The following NR1H3 variants were observed in gnomAD, a reference collection of about 807,000 sequenced individuals.
NR1H3 encodes the protein nuclear receptor subfamily 1 group H member 3, also known as oxysterols receptor LXR-alpha.
NR1H3 carries 19 observed loss-of-function variants against 48.1 expected under a neutral mutation model. The observed-to-expected ratio is 0.40, with a 90% confidence interval of 0.28 to 0.58. The LOEUF (loss-of-function observed/expected upper bound fraction) is 0.58. NR1H3 is among the 20% of genes least tolerant of loss of function. The probability of loss-of-function intolerance (pLI) is 0.50; values close to 1 mark genes in which losing one functional copy is unlikely to be tolerated. For missense variants in NR1H3, 486 were observed against 595.9 expected (o/e 0.82, Z 1.92); for synonymous variants, 232 against 227.3 (o/e 1.02, Z -0.19).
At chr11:47,264,053 T>G (rs1478377216) in intron 7 of NR1H3, among the ~76,000 whole-genome samples, 1 of 152,192 alleles carries the variant, frequency 6.6e-6, no homozygotes, top group East Asian at 1.9e-4. Flanking sequence ...ATTCTGCGGC[T>G]CTCTATCTGA....
chr11:47,252,823 C>T (rs1284125746), intron 1 of NR1H3, among the ~76,000 whole-genome samples: 2 of 151,916 alleles, frequency 1.3e-5, no homozygotes, highest in Non-Finnish European at 2.9e-5. Flanking sequence ...ACCCACTCGG[C>T]CTCCCAAAGT....
chr11:47,267,288 T>C (rs1008559540), intron 7 of NR1H3, among the ~76,000 whole-genome samples: 1 of 152,110 alleles, frequency 6.6e-6, no homozygotes, highest in African/African-American at 2.4e-5. Context: ...GTCTGGGTGA[T>C]AGAACAAGAC....
At chr11:47,262,208 T>A (rs372287582) in intron 7 of NR1H3, among the ~76,000 whole-genome samples, 190 bp downstream of exon 7, 1 of 151,866 alleles carries the variant, frequency 6.6e-6, no homozygotes, top group Admixed American at 6.6e-5. Context: ...TGAAACCCTG[T>A]CTCTACTGAA....
intron 2 of NR1H3, 88 bp from the exon 3 acceptor site, chr11:47,259,703 A>T: frequency 6.3e-7 from 1 of 1,591,354 alleles, no homozygotes; most frequent in South Asian, 1.1e-5. Context: ...AAGGGTGGGG[A>T]TAAGTTTGCA....
chr11:47,263,545 G>A (rs1215281920), intron 7 of NR1H3, among the ~76,000 whole-genome samples: 1 of 151,246 alleles, frequency 6.6e-6, no homozygotes, highest in Admixed American at 6.6e-5. Context: ...CAATGTGCTG[G>A]GATTACAGGC....
upstream of NR1H3, chr11:47,257,789 C>A: frequency 1.1e-6 from 1 of 890,224 alleles, no homozygotes; most frequent in Non-Finnish European, 1.3e-6. Context: ...AGGGAAATGC[C>A]ACTGTTTTGG....
rs755087338 is a variant in NR1H3 at position 47,259,848 on chromosome 11, G to A, written c.101G>A (p.Gly34Glu). The change falls in exon 3 of 10, where the codon GGA becomes GAA. Residue 34 changes from glycine (G) to glutamate (E), a missense_variant. By Grantham distance (98) the Gly-to-Glu change is moderately conservative. Transcript: ENST00000441012. ...CAGGATGCAAGCAGCCAGGCCCAGGGAGGCAGCAGCTGCATCCTCAGAGAG... is the reference window on the plus strand; with the variant it reads ...CAGGATGCAAGCAGCCAGGCCCAGGAAGGCAGCAGCTGCATCCTCAGAGAG... ...GAQDASSQAQ[G>E]GSSCILREEA... 9 of 1,612,548 alleles carry A rather than the reference G, an allele frequency of 5.6e-6. No homozygotes were observed. Among genetic ancestry groups the A allele is most frequent in the South Asian group, 1.1e-5 (1 of 91,014 alleles).
chr11:47,261,494 G>A (rs1955861486), intron 5 of NR1H3, 45 bp downstream of exon 5: 2 of 1,610,786 alleles, frequency 1.2e-6, no homozygotes, highest in Non-Finnish European at 1.7e-6. Flanking sequence ...CAGATCACCA[G>A]TGGGCTTCTT....
Position 47,261,540 on chromosome 11 carries a change from T to G in NR1H3, c.709-7T>G. ...TCAAAGCGCTTTGCCTTTTCCCTCCTGGGTAGCCTTGGCCCATGGCACCAG... is the reference window on the plus strand; with the variant it reads ...TCAAAGCGCTTTGCCTTTTCCCTCCGGGGTAGCCTTGGCCCATGGCACCAG... On this transcript the variant is annotated splice_polypyrimidine_tract_variant and splice_region_variant and intron_variant, in intron 5 of 9. Transcript: ENST00000441012. The G allele has an allele frequency of 6.2e-7, 1 of 1,613,324 alleles. No individual in the cohort carries two copies. Among genetic ancestry groups the G allele is most frequent in the Non-Finnish European group, 8.5e-7 (1 of 1,179,298 alleles).
At chr11:47,249,919 C>T (rs1433001773) in intron 1 of NR1H3, among the ~76,000 whole-genome samples, 1 of 149,702 alleles carries the variant, frequency 6.7e-6, no homozygotes, top group African/African-American at 2.5e-5. Flanking sequence ...TGGCGAAACC[C>T]CGTCTCTACT....
chr11:47,254,430 A>C (rs1460176977), upstream of NR1H3, among the ~76,000 whole-genome samples: 1 of 152,136 alleles, frequency 6.6e-6, no homozygotes, highest in Non-Finnish European at 1.5e-5. Flanking sequence ...GCTGGGACAG[A>C]ATAGTGCCAG....
chr11:47,255,192 C>T (rs1954967878), upstream of NR1H3, among the ~76,000 whole-genome samples: 1 of 152,192 alleles, frequency 6.6e-6, no homozygotes, highest in South Asian at 2.1e-4. Flanking sequence ...ACAAGATTGT[C>T]CTGGACTCTG....
At chr11:47,254,309 G>T (rs577257469), upstream of NR1H3, among the ~76,000 whole-genome samples, 38 of 152,324 alleles carry the variant, frequency 2.5e-4, no homozygotes, top group African/African-American at 8.9e-4. Context: ...AGACCATTGA[G>T]TCCTGAGTTT....
In NR1H3 at chr11:47,261,259, A is replaced by G. The variant is rs753239254; in HGVS notation, c.518A>G (p.Gln173Arg). The G allele has an allele frequency of 4.2e-5, 68 of 1,611,736 alleles. 1 individual carries two copies. The highest frequency in any genetic ancestry group is 5.5e-5 in the Non-Finnish European group (65 of 1,179,738). Residue 173 changes from glutamine to arginine, a missense_variant, in exon 5 of 10, where the codon CAG becomes CGG. Gln to Arg is a conservative substitution (Grantham distance 43, BLOSUM62 1). Transcript: ENST00000441012. ...TCCTTAGGTGTCCTGTCAGAAGAAC[A>G]GATCCGCCTGAAGAAACTGAAGCGG... Reference protein sequence around the residue: ...MREECVLSEEQIRLKKLKRQE... With the variant: ...MREECVLSEERIRLKKLKRQE...
chr11:47,260,722 G>A (rs1421538983), intron 4 of NR1H3, 47 bp downstream of exon 4: 11 of 1,539,216 alleles, frequency 7.1e-6, no homozygotes, highest in African/African-American at 1.4e-5. Context: ...GGGAAAGAGG[G>A]GGCCAGGGTG....
rs944431259 is a variant in NR1H3 at position 47,267,768 on chromosome 11, G to A, written c.989-145G>A. On this transcript the variant is annotated intron_variant, in intron 7 of 9. Transcript: ENST00000441012. Reference sequence around the variant, plus strand: ...AGGTGATCCGCCCGCCTCAGCCTCCGAAAGTGCTGGGATTACAGGCGTGAG... The same window carrying A: ...AGGTGATCCGCCCGCCTCAGCCTCCAAAAGTGCTGGGATTACAGGCGTGAG... 71 of 634,700 alleles carry A rather than the reference G, an allele frequency of 1.1e-4. 1 individual carries two copies. Among genetic ancestry groups the A allele is most frequent in the Non-Finnish European group, 1.7e-4 (60 of 352,998 alleles). The allele number at this position is 634,700 out of a possible 1,614,324, so 39.3% of individuals were successfully genotyped here.
At chr11:47,255,558 TTTC>T (rs1955024948), upstream of NR1H3, among the ~76,000 whole-genome samples, 1 of 67,728 alleles carries the variant, frequency 1.5e-5, no homozygotes, top group Non-Finnish European at 2.7e-5. Flanking sequence ...TCTTTCTTTC[TTTC>T]TTTCTTTCTT....
chr11:47,268,578 T>C lies in NR1H3; in HGVS notation c.1226T>C (p.Met409Thr). The change falls in exon 10 of 10, where the codon ATG becomes ACG. Residue 409 changes from methionine (M) to threonine (T), a missense_variant. By Grantham distance (81) the Met-to-Thr change is moderately conservative. Transcript: ENST00000441012. ...CGACTGATGTTCCCACGGATGCTAA[T>C]GAAACTGGTGAGCCTCCGGACCCTG... ...HDRLMFPRML[M>T]KLVSLRTLSS... The C allele has an allele frequency of 1.2e-6, 2 of 1,614,232 alleles. No homozygotes were observed. Among genetic ancestry groups the C allele is most frequent in the South Asian group, 2.2e-5 (2 of 91,088 alleles).
At chr11:47,253,134 C>CGTGTGTGTGTGTGTGTGTGTGTGTGT (rs60982687), upstream of NR1H3, among the ~76,000 whole-genome samples, 18,622 of 147,506 alleles carry the variant, frequency 0.13, 3,146 homozygotes, top group East Asian at 0.6. Flanking sequence ...AATTTTTGTG[C>CGTGTGTGTGTGTGTGTGTGTGTGTGT]GTGTGTGTGT....
Sources: allele counts gnomAD v4.1 joint callset (sites outside exome capture counted in the v4.1 genomes callset), GRCh38; gene constraint gnomAD v4.1.1; transcripts MANE v1.5; gene names NCBI Gene and HGNC (gene_info 2026-07-23, HGNC 2026-07-21).